Variants in RPAP2 observed in about 807,000 individuals in gnomAD.
The protein encoded by RPAP2 is putative RNA polymerase II subunit B1 CTD phosphatase RPAP2.
In RPAP2, 52 loss-of-function variants were observed where a neutral mutation model predicts 73.1. The observed-to-expected ratio is 0.71, with a 90% CI of 0.57 to 0.90. The LOEUF is 0.90. RPAP2 is among the 40% of genes least tolerant of loss of function. The probability of loss-of-function intolerance (pLI) is 0.00; values close to 1 mark genes in which losing one functional copy is unlikely to be tolerated. For missense variants in RPAP2, 598 were observed against 701.8 expected, an observed-to-expected ratio of 0.85 and a Z score of 1.67; for synonymous variants, 225 against 242.1, an observed-to-expected ratio of 0.93 and a Z score of 0.65.
chr1:92,338,726 C>T (rs1177389374), intron 10 of RPAP2, among the ~76,000 whole-genome samples: 1 of 150,536 alleles, frequency 6.6e-6, no homozygotes, highest in African/African-American at 2.5e-5. Context: ...TCATGGCTCA[C>T]TGCAGCCTTA....
At chr1:92,353,057 T>C (rs747165267) in intron 11 of RPAP2, among the ~76,000 whole-genome samples, 1 of 152,244 alleles carries the variant, frequency 6.6e-6, no homozygotes, top group Non-Finnish European at 1.5e-5. Context: ...TAATATTCCA[T>C]TGTATGGATA....
At chr1:92,317,623 C>T (rs972433423) in intron 6 of RPAP2, among the ~76,000 whole-genome samples, 6 of 152,052 alleles carry the variant, frequency 3.9e-5, no homozygotes, top group African/African-American at 1.2e-4. Flanking sequence ...TGCATGGTGG[C>T]GATAGTTGCA....
rs1013994308 is a variant in RPAP2, at chr1:92,392,844, T to C, written c.*5833T>C. On this transcript the variant is annotated 3_prime_UTR_variant, in exon 13 of 13. Transcript: ENST00000610020. ...GGAAATAAGAGAGGACACAAACAAA[T>C]GGAAAAACATTCCATGCTCATGGAT... 8 of 152,150 alleles carry C rather than the reference T, an allele frequency of 5.3e-5. No homozygotes were observed. Among genetic ancestry groups the C allele is most frequent in the African/African-American group, 1.9e-4 (8 of 41,424 alleles). 9.4% of individuals were successfully genotyped at this position (152,150 alleles called of 1,614,324 possible). A position where few individuals can be genotyped will look rare whatever the true frequency, so the allele number is the denominator to read the frequency against.
intron 9 of RPAP2, among the ~76,000 whole-genome samples, chr1:92,333,908 A>T (rs867769318): frequency 2.0e-5 from 3 of 152,366 alleles, no homozygotes; most frequent in Middle Eastern, 3.4e-3. Context: ...CACACTCAGC[A>T]ACATGAGTTT....
intron 9 of RPAP2, 43 bp from the exon 10 acceptor site, chr1:92,336,304 A>T: frequency 7.1e-7 from 1 of 1,416,626 alleles, no homozygotes; most frequent in Non-Finnish European, 9.9e-7. Context: ...AAAAGTTTCC[A>T]TATAATTTTG....
chr1:92,337,558 C>G (rs907484460), intron 10 of RPAP2, among the ~76,000 whole-genome samples: 5 of 152,108 alleles, frequency 3.3e-5, no homozygotes, highest in Non-Finnish European at 7.4e-5. Context: ...ATTAAACTAT[C>G]AAACCTTCAT....
At chr1:92,322,932 A>T (rs1652374933) in intron 7 of RPAP2, among the ~76,000 whole-genome samples, 1 of 147,654 alleles carries the variant, frequency 6.8e-6, no homozygotes, top group African/African-American at 2.5e-5. Flanking sequence ...AACTACATAT[A>T]TACTTTATAT....
In RPAP2 at chr1:92,307,244, C is replaced by T; in HGVS notation, c.456C>T (p.Pro152=). The T allele has an allele frequency of 6.2e-7, 1 of 1,612,490 alleles. No individual in the cohort carries two copies. The highest frequency in any genetic ancestry group is 8.5e-7 in the Non-Finnish European group (1 of 1,179,286). The change falls in exon 6 of 13, where the codon CCC becomes CCT. Residue 152 remains proline (P), a synonymous_variant. Transcript: ENST00000610020. ...QASKFFEAQI[P]KTPVWVREEE... ...CTAAGTTTTTTGAAGCACAAATTCC[C>T]AAAACTCCAGTATGGGTTCGAGAAG...
intron 6 of RPAP2, among the ~76,000 whole-genome samples, chr1:92,311,685 T>C (rs1226523597): frequency 2.6e-5 from 4 of 152,182 alleles, no homozygotes; most frequent in Non-Finnish European, 4.4e-5. Flanking sequence ...AGGCATATCT[T>C]GGAGATATTG....
chr1:92,300,403 C>A (rs75968796), intron 2 of RPAP2, among the ~76,000 whole-genome samples, 164 bp downstream of exon 2: 1 of 151,944 alleles, frequency 6.6e-6, no homozygotes, highest in Admixed American at 6.6e-5. Context: ...TAGACTGTTA[C>A]ATTCCTCTAC....
At position 92,344,222 on chromosome 1, in the gene RPAP2, C is replaced by T. The variant is rs527358955; in HGVS notation, c.1620-1624C>T. ...GCCAGGAGTTAGAGATCAGCCTGGG[C>T]AACATAGTGAAAGCCCACCTCTACA... On this transcript the variant is annotated intron_variant, in intron 10 of 12. Transcript: ENST00000610020. 2.6e-5 allele frequency among the ~76,000 whole-genome samples: 4 copies of T among 152,212 alleles called. No individual in the cohort carries two copies. The East Asian group carries it at 5.8e-4, about 22-fold the overall frequency.
In RPAP2 at chr1:92,342,985, G is replaced by A. The variant is rs558190534; in HGVS notation, c.1620-2861G>A. 7.7e-4 allele frequency among the ~76,000 whole-genome samples: 117 copies of A among 152,232 alleles called. 1 individual carries two copies. Among genetic ancestry groups the A allele is most frequent in the Non-Finnish European group, 1.4e-3 (95 of 68,020 alleles). On this transcript the variant is annotated intron_variant, in intron 10 of 12. Transcript: ENST00000610020. The stretch of plus-strand genomic sequence containing the variant: ...ACAGAAATCTAGAATTCAAGGAGGA[G>A]GTCCAGACTAGAGCTAATACATTTG...
At position 92,397,534 on chromosome 1, in the gene RPAP2, A is replaced by C. The variant is rs1224229639; in HGVS notation, c.*10523A>C. The C allele has an allele frequency of 6.6e-6, 1 of 152,198 alleles. No individual in the cohort carries two copies. Among genetic ancestry groups the C allele is most frequent in the African/African-American group, 2.4e-5 (1 of 41,442 alleles). 9.4% of individuals were successfully genotyped at this position (152,198 alleles called of 1,614,324 possible). A position where few individuals can be genotyped will look rare whatever the true frequency, so the allele number is the denominator to read the frequency against. On this transcript the variant is annotated 3_prime_UTR_variant, in exon 13 of 13. Transcript: ENST00000610020. ...GAGCCAGTAGCTCAGTATAGAAACT[A>C]AGGATCCAAGTGGACAACTGCCACC... is the stretch of plus-strand genomic sequence containing the variant.
chr1:92,397,713 A>C lies in RPAP2; in HGVS notation c.*10702A>C, dbSNP rs913516047. 6.6e-6 allele frequency: 1 copy of C among 152,236 alleles called. No homozygotes were observed. Among genetic ancestry groups the C allele is most frequent in the Admixed American group, 6.5e-5 (1 of 15,284 alleles). 9.4% of individuals were successfully genotyped at this position (152,236 alleles called of 1,614,324 possible). ...TCTAAATATTTTCCAATAGAAAAGA[A>C]CCCAGGCTTCTTGAGAAAATAGCTA... On this transcript the variant is annotated 3_prime_UTR_variant, in exon 13 of 13. Transcript: ENST00000610020.
chr1:92,339,109 T>A (rs774967561), intron 10 of RPAP2, among the ~76,000 whole-genome samples: 6 of 152,176 alleles, frequency 3.9e-5, no homozygotes, highest in Non-Finnish European at 5.9e-5. Context: ...TTGTCTATAT[T>A]TTTTAGAACA....
chr1:92,342,393 A>G (rs1292189039), intron 10 of RPAP2, among the ~76,000 whole-genome samples: 1 of 152,196 alleles, frequency 6.6e-6, no homozygotes, highest in Non-Finnish European at 1.5e-5. Context: ...GCAAGAGTAG[A>G]GAGATATGTG....
At chr1:92,372,963 C>A (rs997797813) in intron 11 of RPAP2, among the ~76,000 whole-genome samples, 1 of 152,122 alleles carries the variant, frequency 6.6e-6, no homozygotes, top group Non-Finnish European at 1.5e-5. Flanking sequence ...AAAAACATTT[C>A]GGTAATCACA....
At chr1:92,361,091 T>A (rs180707963) in intron 11 of RPAP2, among the ~76,000 whole-genome samples, 138 of 129,698 alleles carry the variant, frequency 1.1e-3, no homozygotes, top group African/African-American at 3.7e-3. Context: ...TATATATATA[T>A]AATATATATA....
At position 92,396,632 on chromosome 1, in the gene RPAP2, T is replaced by TTGTG. The variant is rs896253479; in HGVS notation, c.*9622_*9623insGTGT. 6.6e-5 allele frequency: 6 copies of TTGTG among 90,520 alleles called. No individual in the cohort carries two copies. The highest frequency in any genetic ancestry group is 1.1e-3 in the East Asian group (1 of 922). The allele number at this position is 90,520 out of a possible 1,614,324, so 5.6% of individuals were successfully genotyped here. ...CTAAGTTGTAATTTTTGCACAACTTTTATGTGTGTGTGTGTGTGTGTGTGT... is the reference window on the plus strand; with the variant it reads ...CTAAGTTGTAATTTTTGCACAACTTTTGTGTATGTGTGTGTGTGTGTGTGTGTGT... On this transcript the variant is annotated 3_prime_UTR_variant, in exon 13 of 13. Coordinates refer to ENST00000610020, the MANE Select transcript of RPAP2 (RefSeq NM_024813.3).
Sources: allele counts gnomAD v4.1 joint callset (sites outside exome capture counted in the v4.1 genomes callset), GRCh38; gene constraint gnomAD v4.1.1; transcripts MANE v1.5; gene names NCBI Gene and HGNC (gene_info 2026-07-23, HGNC 2026-07-21).